NEK6: variants seen among roughly 807,000 people sequenced by gnomAD.
The protein encoded by NEK6 is serine/threonine-protein kinase Nek6.
NEK6 carries 27 observed loss-of-function variants against 43.5 expected under a neutral mutation model. That is an observed-to-expected ratio of 0.62 (90% CI 0.46 to 0.86). The LOEUF is 0.86. NEK6 is among the 40% of genes least tolerant of loss of function. The pLI, the probability that NEK6 is intolerant of heterozygous loss-of-function variation, is 0.00. For missense variants in NEK6, 318 were observed against 414.4 expected (o/e 0.77, Z 2.02); for synonymous variants, 167 against 164.1 (o/e 1.02, Z -0.14).
rs552717327 is a variant in NEK6, at chr9:124,270,757, C to A, written c.-30+12672C>A. 1.1e-4 allele frequency among the ~76,000 whole-genome samples: 16 copies of A among 152,322 alleles called. No individual in the cohort carries two copies. The South Asian group carries it at 3.3e-3, about 32-fold the overall frequency. On this transcript the variant is annotated intron_variant, in intron 1 of 9. Coordinates refer to ENST00000320246, the MANE Select transcript of NEK6 (RefSeq NM_014397.6). ...GGTGCGGGAGCAGGCAGCTGAATACCCGTCCTGGGGAGGCAGCTGAGACTC... is the reference window on the plus strand; with the variant it reads ...GGTGCGGGAGCAGGCAGCTGAATACACGTCCTGGGGAGGCAGCTGAGACTC...
Position 124,326,530 on chromosome 9 carries a change from CT to C in NEK6, c.514+94del. 4.2e-6 allele frequency: 4 copies of C among 961,002 alleles called. No individual in the cohort carries two copies. The highest frequency in any genetic ancestry group is 4.9e-6 in the Non-Finnish European group (3 of 611,382). The allele number at this position is 961,002 out of a possible 1,614,324, so 59.5% of individuals were successfully genotyped here. On this transcript the variant is annotated intron_variant, in intron 6 of 9. Transcript: ENST00000320246. The surrounding 1 kb of genome is among the most constrained non-coding windows in gnomAD (Gnocchi z 4.5). ...CCTCCAGGGTCCTCAGGGGCAGCCC[CT>C]TGAGGAAGTTGGACCGCTCTGTATT...
intron 1 of NEK6, among the ~76,000 whole-genome samples, chr9:124,270,076 C>T (rs545429615): frequency 1.3e-5 from 2 of 152,178 alleles, no homozygotes; most frequent in Non-Finnish European, 1.5e-5. Context: ...CACGCCCCCC[C>T]CCCATGCTGT....
In NEK6 at chr9:124,326,503, C is replaced by A. The variant is rs1010802605; in HGVS notation, c.514+65C>A. On this transcript the variant is annotated intron_variant, in intron 6 of 9. Transcript: ENST00000320246. This position sits in a 1 kb window ranked among gnomAD's most constrained non-coding sequence, Gnocchi z 4.5. Reference sequence around the variant, plus strand: ...AGCCCAGGAAGACACTTCCTCATGGCTCCTCCAGGGTCCTCAGGGGCAGCC... The same window carrying A: ...AGCCCAGGAAGACACTTCCTCATGGATCCTCCAGGGTCCTCAGGGGCAGCC... 2 of 1,224,990 alleles carry A rather than the reference C, an allele frequency of 1.6e-6. No homozygotes were observed. The highest frequency in any genetic ancestry group is 1.5e-5 in the African/African-American group (1 of 67,778). The allele number at this position is 1,224,990 out of a possible 1,614,324, so 75.9% of individuals were successfully genotyped here.
intron 2 of NEK6, among the ~76,000 whole-genome samples, chr9:124,302,359 TAC>T (rs1274981169): frequency 6.6e-6 from 1 of 152,232 alleles, no homozygotes; most frequent in African/African-American, 2.4e-5. Flanking sequence ...GTTGGAAGGG[TAC>T]AGAGGGTGCT....
At position 124,339,053 on chromosome 9, in the gene NEK6, G is replaced by A. The variant is rs540328114; in HGVS notation, c.623-518G>A. Among the ~76,000 whole-genome samples the A allele has an allele frequency of 3.2e-3, 335 of 104,484 alleles. 5 individuals carry two copies. The highest frequency in any genetic ancestry group is 0.011 in the African/African-American group (291 of 25,972). The allele number at this position is 104,484 out of a possible 152,430, so 68.5% of individuals were successfully genotyped here. Reference sequence around the variant, plus strand: ...TTTTTTTTTTTTTTTTTTTGAGCCCGAATCTCACTCTGTTGCCCAGGCTGG... The same window carrying A: ...TTTTTTTTTTTTTTTTTTTGAGCCCAAATCTCACTCTGTTGCCCAGGCTGG... On this transcript the variant is annotated intron_variant, in intron 7 of 9. Coordinates refer to ENST00000320246, the MANE Select transcript of NEK6 (RefSeq NM_014397.6).
At chr9:124,264,224 A>G (rs1337506451) in intron 1 of NEK6, among the ~76,000 whole-genome samples, 1 of 152,204 alleles carries the variant, frequency 6.6e-6, no homozygotes. Context: ...GGAAGTGGCT[A>G]TCGCTCTGGG....
At chr9:124,315,307 T>C (rs1163729549) in intron 4 of NEK6, among the ~76,000 whole-genome samples, 1 of 152,018 alleles carries the variant, frequency 6.6e-6, no homozygotes, top group Non-Finnish European at 1.5e-5. Context: ...CCGTGGATTA[T>C]GGGAGGTTGG....
In NEK6 at chr9:124,343,421, G is replaced by T. The variant is rs1331648000; in HGVS notation, c.717+3756G>T. ...GGATTAGCGTCCTCAGGGACATCAG[G>T]CGCTGACCTAACCCTAGCAGCCCCG... On this transcript the variant is annotated intron_variant, in intron 8 of 9. Coordinates refer to ENST00000320246, the MANE Select transcript of NEK6 (RefSeq NM_014397.6). The surrounding 1 kb of genome is among the most constrained non-coding windows in gnomAD (Gnocchi z 5.1). Among the ~76,000 whole-genome samples, 4 of 152,106 alleles carry T rather than the reference G, an allele frequency of 2.6e-5. No homozygotes were observed. The highest frequency in any genetic ancestry group is 9.7e-5 in the African/African-American group (4 of 41,426).
chr9:124,320,970 C>G (rs1834036234), intron 4 of NEK6, among the ~76,000 whole-genome samples: 3 of 152,158 alleles, frequency 2.0e-5, no homozygotes, highest in Admixed American at 6.5e-5. Flanking sequence ...AGAGATAGGT[C>G]AGGAATTGAG....
chr9:124,263,428 G>A (rs1482582789), intron 1 of NEK6, among the ~76,000 whole-genome samples: 3 of 152,172 alleles, frequency 2.0e-5, no homozygotes, highest in Non-Finnish European at 2.9e-5. Context: ...TGAGCACGTC[G>A]CCCACTGAGC....
chr9:124,315,291 G>A (rs148676724), intron 4 of NEK6, among the ~76,000 whole-genome samples: 142 of 152,336 alleles, frequency 9.3e-4, no homozygotes, highest in African/African-American at 3.2e-3. Flanking sequence ...TCCAGGCACC[G>A]CAGCACCGTG....
chr9:124,315,647 G>A (rs558437828), intron 4 of NEK6, among the ~76,000 whole-genome samples: 15 of 152,326 alleles, frequency 9.8e-5, no homozygotes, highest in African/African-American at 3.1e-4. Flanking sequence ...TTCTCCCCGA[G>A]TGAAGGAACC....
At chr9:124,267,665 G>A (rs900444249) in intron 1 of NEK6, among the ~76,000 whole-genome samples, 3 of 152,188 alleles carry the variant, frequency 2.0e-5, no homozygotes, top group African/African-American at 7.2e-5. Context: ...GTGCTGGGCC[G>A]CCCCTGAGCT....
At chr9:124,328,335 C>T (rs1392676965) in intron 7 of NEK6, among the ~76,000 whole-genome samples, 1 of 152,146 alleles carries the variant, frequency 6.6e-6, no homozygotes, top group Non-Finnish European at 1.5e-5. Context: ...GTCTGGGTTT[C>T]ACCACGCCCA....
chr9:124,265,918 A>G (rs1250693431), intron 1 of NEK6: 1 of 152,222 alleles, frequency 6.6e-6, no homozygotes, highest in Non-Finnish European at 1.5e-5. Context: ...GGCCCCACCC[A>G]TTGGCCTCTC....
chr9:124,336,476 C>T (rs4838165), intron 7 of NEK6, among the ~76,000 whole-genome samples: 144,591 of 152,238 alleles, frequency 0.95, 69,051 homozygotes, highest in East Asian at 1. Context: ...CCGAAATCTC[C>T]TGACCCGTGA....
intron 2 of NEK6, among the ~76,000 whole-genome samples, chr9:124,303,032 A>C (rs560518548): frequency 6.6e-6 from 1 of 152,346 alleles, no homozygotes; most frequent in African/African-American, 2.4e-5. Context: ...GAGAAAGATA[A>C]GGAGCTGAGC....
intron 1 of NEK6, among the ~76,000 whole-genome samples, chr9:124,273,147 G>T: frequency 6.6e-6 from 1 of 152,124 alleles, no homozygotes; most frequent in East Asian, 1.9e-4. Flanking sequence ...AGGTGTGTGG[G>T]GTTAGGTTCA....
chr9:124,259,660 C>T (rs1564608754), intron 1 of NEK6, among the ~76,000 whole-genome samples: 1 of 152,136 alleles, frequency 6.6e-6, no homozygotes, highest in Admixed American at 6.5e-5. Context: ...TGTGGGGAGC[C>T]GTGGAATGAG....
Sources: gnomAD v4.1 joint callset for allele counts (sites outside exome capture counted in the v4.1 genomes callset) on GRCh38, gnomAD v4.1.1 for gene constraint, Gnocchi (gnomAD v3.1) non-coding constraint, MANE v1.5 for transcripts, NCBI Gene and HGNC (gene_info 2026-07-23, HGNC 2026-07-21) for gene names.